Variants in PLCXD3 observed in about 807,000 individuals in gnomAD.
PLCXD3 encodes the protein PI-PLC X domain-containing protein 3.
PLCXD3 carries 19 observed loss-of-function variants against 25.5 expected under a neutral mutation model. The ratio of observed to expected loss-of-function variants is 0.75; its 90% confidence interval spans 0.52 to 1.09. The LOEUF is 1.09. PLCXD3 is among the 50% of genes least tolerant of loss of function. PLCXD3 has a pLI of 0.00. For synonymous variants in PLCXD3, 174 were observed against 137.6 expected, an observed-to-expected ratio of 1.26 and a Z score of -1.85; for missense variants, 411 against 388.1, an observed-to-expected ratio of 1.06 and a Z score of -0.50.
At chr5:41,323,130 A>G (rs1743525386) in intron 2 of PLCXD3, among the ~76,000 whole-genome samples, 1 of 152,236 alleles carries the variant, frequency 6.6e-6, no homozygotes, top group African/African-American at 2.4e-5. Flanking sequence ...AGAAAGACAA[A>G]TATCACACGT....
intron 1 of PLCXD3, among the ~76,000 whole-genome samples, chr5:41,449,976 C>T (rs1420293204): frequency 6.6e-6 from 1 of 152,020 alleles, no homozygotes; most frequent in East Asian, 1.9e-4. Context: ...AATTTTAATG[C>T]TAAAGAAGAC....
chr5:41,419,152 GA>G (rs1229882498), intron 1 of PLCXD3, among the ~76,000 whole-genome samples: 1 of 152,206 alleles, frequency 6.6e-6, no homozygotes, highest in East Asian at 1.9e-4. Context: ...TAATGTTAAG[GA>G]AAAATGCCTT....
At chr5:41,396,227 A>T (rs1349387680) in intron 1 of PLCXD3, among the ~76,000 whole-genome samples, 2 of 152,164 alleles carry the variant, frequency 1.3e-5, no homozygotes, top group Non-Finnish European at 2.9e-5. Context: ...AGGTGATTAG[A>T]TTATGGTGGT....
intron 1 of PLCXD3, among the ~76,000 whole-genome samples, chr5:41,467,625 G>T (rs1413234932): frequency 6.6e-6 from 1 of 151,974 alleles, no homozygotes; most frequent in Non-Finnish European, 1.5e-5. Context: ...AAAGAAAAAA[G>T]CATTGCTTAA....
intron 1 of PLCXD3, among the ~76,000 whole-genome samples, chr5:41,415,095 T>G (rs1746662912): frequency 6.6e-6 from 1 of 152,172 alleles, no homozygotes; most frequent in Non-Finnish European, 1.5e-5. Flanking sequence ...ATTTCAAGCA[T>G]CCACTGGGGA....
chr5:41,470,276 A>C (rs1748122354), intron 1 of PLCXD3, among the ~76,000 whole-genome samples: 1 of 152,214 alleles, frequency 6.6e-6, no homozygotes, highest in Non-Finnish European at 1.5e-5. Context: ...AATGAATGGT[A>C]AATGACTTAG....
Position 41,410,954 on chromosome 5 carries a change from C to A in PLCXD3, c.104-28420G>T, listed in dbSNP as rs1048458560. On this transcript the variant is annotated intron_variant, in intron 1 of 2. Coordinates refer to ENST00000377801, the MANE Select transcript of PLCXD3 (RefSeq NM_001005473.3). Reference sequence around the variant, plus strand: ...TGGTGGCAGACCCTGCAGTTTGGGGCAGTCTTGAGTATATGTAACCACAGG... The same window carrying A: ...TGGTGGCAGACCCTGCAGTTTGGGGAAGTCTTGAGTATATGTAACCACAGG... Among the ~76,000 whole-genome samples the A allele has an allele frequency of 2.6e-5, 4 of 152,220 alleles. No individual in the cohort carries two copies. The East Asian group carries it at 7.7e-4, about 29-fold the overall frequency.
intron 1 of PLCXD3, among the ~76,000 whole-genome samples, chr5:41,481,044 A>G (rs1225634615): frequency 6.7e-6 from 1 of 149,564 alleles, no homozygotes; most frequent in Non-Finnish European, 1.5e-5. Flanking sequence ...AAAAATACCT[A>G]CCAAATTTAT....
At chr5:41,502,936 T>C (rs983990125) in intron 1 of PLCXD3, among the ~76,000 whole-genome samples, 1 of 152,176 alleles carries the variant, frequency 6.6e-6, no homozygotes, top group Non-Finnish European at 1.5e-5. Flanking sequence ...GCAGCCTTCT[T>C]CTCTAGCAGC....
intron 1 of PLCXD3, among the ~76,000 whole-genome samples, chr5:41,478,168 G>T (rs1748320284): frequency 6.6e-6 from 1 of 152,202 alleles, no homozygotes; most frequent in Non-Finnish European, 1.5e-5. Context: ...TTGGTTTAAA[G>T]ATGATGGTAT....
intron 1 of PLCXD3, among the ~76,000 whole-genome samples, chr5:41,463,892 T>C (rs1747950974): frequency 6.6e-6 from 1 of 151,110 alleles, no homozygotes; most frequent in South Asian, 2.1e-4. Flanking sequence ...ACTTATCCTC[T>C]CAAAGGGAAT....
At chr5:41,319,752 A>T (rs1370415007) in intron 2 of PLCXD3, among the ~76,000 whole-genome samples, 1 of 152,128 alleles carries the variant, frequency 6.6e-6, no homozygotes, top group East Asian at 1.9e-4. Flanking sequence ...GAAAAGAAAT[A>T]ATAAAGATCA....
chr5:41,308,274 A>G lies in PLCXD3; in HGVS notation c.*5343T>C, dbSNP rs1295124426. On this transcript the variant is annotated 3_prime_UTR_variant, in exon 3 of 3. Transcript: ENST00000377801. ...ACATACCCAGTTACATTTGAATTTC[A>G]GATAAACTTTTTTTAAAGTGAAAGT... 1 of 152,174 alleles carries G rather than the reference A, an allele frequency of 6.6e-6. No homozygotes were observed. The highest frequency in any genetic ancestry group is 1.5e-5 in the Non-Finnish European group (1 of 68,036). 9.4% of individuals were successfully genotyped at this position (152,174 alleles called of 1,614,324 possible).
At chr5:41,407,367 T>C (rs1746382161) in intron 1 of PLCXD3, among the ~76,000 whole-genome samples, 1 of 152,154 alleles carries the variant, frequency 6.6e-6, no homozygotes, top group African/African-American at 2.4e-5. Context: ...TGTGAATACA[T>C]GATGATCAAC....
chr5:41,508,009 T>C (rs1246927035), intron 1 of PLCXD3, among the ~76,000 whole-genome samples: 1 of 152,242 alleles, frequency 6.6e-6, no homozygotes, highest in Non-Finnish European at 1.5e-5. Flanking sequence ...GTTTTTTATA[T>C]ATGTGGATCT....
At chr5:41,412,990 A>G (rs1049984554) in intron 1 of PLCXD3, among the ~76,000 whole-genome samples, 2 of 152,232 alleles carry the variant, frequency 1.3e-5, no homozygotes, top group African/African-American at 2.4e-5. Flanking sequence ...TAAGGAAAAA[A>G]GAAGTAACGA....
chr5:41,427,071 A>G (rs766036036), intron 1 of PLCXD3, among the ~76,000 whole-genome samples: 2 of 152,106 alleles, frequency 1.3e-5, no homozygotes, highest in African/African-American at 2.4e-5. Context: ...TTGCAATTAC[A>G]CTACAATGTT....
At chr5:41,495,678 T>G (rs1031579457) in intron 1 of PLCXD3, among the ~76,000 whole-genome samples, 10 of 152,216 alleles carry the variant, frequency 6.6e-5, no homozygotes, top group Admixed American at 1.3e-4. Context: ...ATTAGAAATC[T>G]ATATGCACAG....
rs5867553 is a variant in PLCXD3 at position 41,410,141 on chromosome 5, C to CT, written c.104-27608dup. 9.2e-4 allele frequency among the ~76,000 whole-genome samples: 112 copies of CT among 121,402 alleles called. 1 individual carries two copies. Among genetic ancestry groups the CT allele is most frequent in the African/African-American group, 2.6e-3 (84 of 32,772 alleles). The allele number at this position is 121,402 out of a possible 152,430, so 79.6% of individuals were successfully genotyped here. A position where few individuals can be genotyped will look rare whatever the true frequency, so the allele number is the denominator to read the frequency against. On this transcript the variant is annotated intron_variant, in intron 1 of 2. Transcript: ENST00000377801. ...CTAAAGCCCCCCTCCTTTTATTTAT[C>CT]TTTTTTTTTTTTTTTTGAGACGGAG...
Sources: gnomAD v4.1 joint callset for allele counts (sites outside exome capture counted in the v4.1 genomes callset) on GRCh38, gnomAD v4.1.1 for gene constraint, MANE v1.5 for transcripts, NCBI Gene and HGNC (gene_info 2026-07-23, HGNC 2026-07-21) for gene names.